The following ZC3H6 variants were observed in gnomAD, a reference collection of about 807,000 sequenced individuals.
The protein encoded by ZC3H6 is zinc finger CCCH-type containing 6.
ZC3H6 carries 40 observed loss-of-function variants against 107.7 expected under a neutral mutation model. The ratio of observed to expected loss-of-function variants is 0.37; its 90% confidence interval spans 0.29 to 0.48. ZC3H6 has a LOEUF of 0.48. Ranked by LOEUF, ZC3H6 falls within the 20% of genes least tolerant of loss-of-function variation. The pLI is 0.98. For missense variants in ZC3H6, 1,267 were observed against 1,410.4 expected, an observed-to-expected ratio of 0.90 and a Z score of 1.63; for synonymous variants, 493 against 487.9, an observed-to-expected ratio of 1.01 and a Z score of -0.14.
intron 4 of ZC3H6, among the ~76,000 whole-genome samples, chr2:112,310,849 C>T (rs563410041): frequency 6.6e-5 from 10 of 152,324 alleles, no homozygotes; most frequent in Non-Finnish European, 1.3e-4. Flanking sequence ...TCTTTGCATA[C>T]AGGAATCAGT....
Position 112,331,443 on chromosome 2 carries a change from A to T in ZC3H6, c.2525A>T (p.Asp842Val). The change falls in exon 12 of 12, where the codon GAT becomes GTT. Residue 842 changes from aspartate to valine, a missense_variant. Asp to Val is a radical substitution (Grantham distance 152). Transcript: ENST00000409871. ...LREKAFLIPL[D>V]ASPGIMLQDP... ...GAAAAAGCTTTCTTAATACCTTTGG[A>T]TGCCTCACCTGGCATAATGCTCCAG... 6.2e-7 allele frequency: 1 copy of T among 1,613,958 alleles called. No individual in the cohort carries two copies. The highest frequency in any genetic ancestry group is 8.5e-7 in the Non-Finnish European group (1 of 1,179,888).
At chr2:112,296,423 A>G (rs1262766664) in intron 1 of ZC3H6, among the ~76,000 whole-genome samples, 2 of 151,984 alleles carry the variant, frequency 1.3e-5, no homozygotes, top group East Asian at 1.9e-4. Context: ...TTATATATCT[A>G]TTTGCCTGTT....
At chr2:112,286,589 C>T (rs908009144) in intron 1 of ZC3H6, among the ~76,000 whole-genome samples, 12 of 152,238 alleles carry the variant, frequency 7.9e-5, no homozygotes, top group Non-Finnish European at 1.2e-4. Context: ...GGGCGCACAA[C>T]ACCACGCCCA....
At chr2:112,276,100 C>G (rs1686412840) in intron 1 of ZC3H6, 74 bp downstream of exon 1, 1 of 1,411,228 alleles carries the variant, frequency 7.1e-7, no homozygotes, top group East Asian at 2.7e-5. Flanking sequence ...GGGCCGGGGC[C>G]GGGCGCCTCC....
intron 1 of ZC3H6, among the ~76,000 whole-genome samples, chr2:112,292,045 C>T (rs577832877): frequency 6.6e-6 from 1 of 152,160 alleles, no homozygotes. Flanking sequence ...CTAATTGGTT[C>T]ATTTGGGGAC....
rs1267011492 is a variant in ZC3H6, at chr2:112,331,180, A to G, written c.2262A>G (p.Gln754=). 1 of 1,613,732 alleles carries G rather than the reference A, an allele frequency of 6.2e-7. No homozygotes were observed. The highest frequency in any genetic ancestry group is 8.5e-7 in the Non-Finnish European group (1 of 1,179,784). ...CTAAAGAGAAAAGTAAAGGAAACCA[A>G]GTGGTTGACCCTAGGCTTAGGACTA... ...RLAKEKSKGN[Q]VVDPRLRTIP... is the part of the protein sequence containing the mutation. Residue 754 remains glutamine (Q), a synonymous_variant, in exon 12 of 12, where the codon CAA becomes CAG. Coordinates refer to ENST00000409871, the MANE Select transcript of ZC3H6 (RefSeq NM_198581.3).
At chr2:112,291,405 T>G (rs576508214) in intron 1 of ZC3H6, among the ~76,000 whole-genome samples, 2 of 152,302 alleles carry the variant, frequency 1.3e-5, no homozygotes, top group South Asian at 4.1e-4. Flanking sequence ...GGCCAATTTT[T>G]GTAGTTTTAG....
chr2:112,281,491 AGAT>A (rs1170662283), intron 1 of ZC3H6, among the ~76,000 whole-genome samples: 7 of 152,178 alleles, frequency 4.6e-5, no homozygotes, highest in South Asian at 4.1e-4. Context: ...TTTAGGTAAC[AGAT>A]GATGATGGTT....
At chr2:112,306,952 C>T (rs1162392571) in intron 3 of ZC3H6, among the ~76,000 whole-genome samples, 1 of 152,208 alleles carries the variant, frequency 6.6e-6, no homozygotes, top group Non-Finnish European at 1.5e-5. Flanking sequence ...GGATTTTCAT[C>T]TACTCCATGG....
chr2:112,316,425 T>G, intron 5 of ZC3H6, 45 bp from the exon 6 acceptor site: 1 of 1,180,106 alleles, frequency 8.5e-7, no homozygotes, highest in African/African-American at 1.5e-5. Flanking sequence ...TTGATACCTA[T>G]TAATATTTCA....
At chr2:112,314,711 T>C (rs1406909904) in intron 5 of ZC3H6, among the ~76,000 whole-genome samples, 1 of 152,164 alleles carries the variant, frequency 6.6e-6, no homozygotes, top group East Asian at 1.9e-4. Context: ...ATAGAATGCC[T>C]ATGTGAGCTG....
chr2:112,336,877 C>A lies in ZC3H6; in HGVS notation c.*4389C>A, dbSNP rs1233312066. 1 of 152,104 alleles carries A rather than the reference C, an allele frequency of 6.6e-6. No individual in the cohort carries two copies. Among genetic ancestry groups the A allele is most frequent in the Non-Finnish European group, 1.5e-5 (1 of 68,024 alleles). The allele number at this position is 152,104 out of a possible 1,614,324, so 9.4% of individuals were successfully genotyped here. On this transcript the variant is annotated 3_prime_UTR_variant, in exon 12 of 12. Coordinates refer to ENST00000409871, the MANE Select transcript of ZC3H6 (RefSeq NM_198581.3). ...TTTTGGAGACAGGACCCACATGTAT[C>A]TCCTTATTTTTATACTTGCCATAGA...
intron 1 of ZC3H6, among the ~76,000 whole-genome samples, chr2:112,278,483 A>T (rs752347619): frequency 6.6e-6 from 1 of 151,978 alleles, no homozygotes; most frequent in Non-Finnish European, 1.5e-5. Context: ...ACACCTGGCT[A>T]ATTTTTTGTA....
At chr2:112,290,031 G>A (rs867156686) in intron 1 of ZC3H6, among the ~76,000 whole-genome samples, 15 of 152,196 alleles carry the variant, frequency 9.9e-5, no homozygotes, top group Middle Eastern at 3.4e-3. Context: ...ATGAACCACC[G>A]TGCCCAGCTT....
intron 1 of ZC3H6, among the ~76,000 whole-genome samples, chr2:112,295,106 C>T (rs1264748469): frequency 6.6e-6 from 1 of 152,124 alleles, no homozygotes; most frequent in African/African-American, 2.4e-5. Context: ...ATCTACCTGG[C>T]AACTCCTAAT....
rs1677159360 is a variant in ZC3H6, at chr2:112,337,786, ATT to A, written c.*5302_*5303del. On this transcript the variant is annotated 3_prime_UTR_variant, in exon 12 of 12. Transcript: ENST00000409871. ...AGGTGTGTGCCACCACACCCAGCTA[ATT>A]TTTGTATTTTTTTGGTAGAGACAGG... 1 of 151,692 alleles carries A rather than the reference ATT, an allele frequency of 6.6e-6. No homozygotes were observed. 9.4% of individuals were successfully genotyped at this position (151,692 alleles called of 1,614,324 possible). A position where few individuals can be genotyped will look rare whatever the true frequency, so the allele number is the denominator to read the frequency against.
chr2:112,303,220 T>C lies in ZC3H6; in HGVS notation c.214-9T>C. 1 of 1,595,818 alleles carries C rather than the reference T, an allele frequency of 6.3e-7. No homozygotes were observed. The highest frequency in any genetic ancestry group is 8.5e-7 in the Non-Finnish European group (1 of 1,173,976). ...AAATGTAACATATTTGTCTTTCCCC[T>C]CCCTTCAGCATAATTCCCCATCTAG... On this transcript the variant is annotated splice_polypyrimidine_tract_variant and intron_variant, in intron 2 of 11. Transcript: ENST00000409871.
In ZC3H6 at chr2:112,331,622, C is replaced by T; in HGVS notation, c.2704C>T (p.Leu902=). ...PDPVSSINLP[L]PPLIADQRLN... ...TCCAGTGTCTTCAATCAATTTACCT[C>T]TGCCCCCACTTATAGCTGACCAGAG... Residue 902 remains leucine, a synonymous_variant, in exon 12 of 12, where the codon CTG becomes TTG. Transcript: ENST00000409871. The T allele has an allele frequency of 6.2e-7, 1 of 1,613,986 alleles. No individual in the cohort carries two copies. The highest frequency in any genetic ancestry group is 1.7e-5 in the Admixed American group (1 of 60,022).
intron 11 of ZC3H6, among the ~76,000 whole-genome samples, chr2:112,327,748 C>T (rs1676939372): frequency 1.3e-5 from 2 of 152,146 alleles, no homozygotes; most frequent in Admixed American, 1.3e-4. Context: ...TTTTTCCCAG[C>T]ACCATTTATT....
Sources: gnomAD v4.1 joint callset for allele counts (sites outside exome capture counted in the v4.1 genomes callset) on GRCh38, gnomAD v4.1.1 for gene constraint, MANE v1.5 for transcripts, NCBI Gene and HGNC (gene_info 2026-07-23, HGNC 2026-07-21) for gene names.